The following ITPR2 variants were observed in gnomAD, a reference collection of about 807,000 sequenced individuals.
ITPR2 encodes the protein inositol 1,4,5-trisphosphate receptor type 2, also known as inositol 1,4,5-trisphosphate-gated calcium channel ITPR2.
ITPR2 carries 207 observed loss-of-function variants against 317.1 expected under a neutral mutation model. That is an observed-to-expected ratio of 0.65 (90% CI 0.58 to 0.73). The LOEUF is 0.73. Among genes scored for constraint, ITPR2 ranks in the 30% least tolerant of loss-of-function variants. The probability of loss-of-function intolerance (pLI) is 0.00; values close to 1 mark genes in which losing one functional copy is unlikely to be tolerated. For missense variants in ITPR2, 2,613 were observed against 3,284.0 expected, an observed-to-expected ratio of 0.80 and a Z score of 4.99; for synonymous variants, 1,156 against 1,149.1, an observed-to-expected ratio of 1.01 and a Z score of -0.12.
At chr12:26,489,665 C>G (rs1942754084) in intron 39 of ITPR2, among the ~76,000 whole-genome samples, 1 of 152,136 alleles carries the variant, frequency 6.6e-6, no homozygotes, top group Non-Finnish European at 1.5e-5. Context: ...TCATTAGGTT[C>G]CATTTGAAAT....
intron 37 of ITPR2, among the ~76,000 whole-genome samples, chr12:26,517,089 C>T: frequency 6.6e-6 from 1 of 151,830 alleles, no homozygotes; most frequent in East Asian, 1.9e-4. Flanking sequence ...TCAAAAGATC[C>T]CTTGCATCTA....
intron 49 of ITPR2, chr12:26,419,429 C>T (rs3816834): frequency 0.51 from 225,387 of 444,656 alleles, 61,741 homozygotes; most frequent in East Asian, 0.89. Flanking sequence ...TGCTTACAAA[C>T]TGGCACGTAA....
chr12:26,364,584 C>T (rs1011045564), intron 55 of ITPR2, among the ~76,000 whole-genome samples: 3 of 152,164 alleles, frequency 2.0e-5, no homozygotes, highest in African/African-American at 7.2e-5. Context: ...ATCTGTTTAT[C>T]TCGGTCTGGT....
chr12:26,694,059 G>C (rs916366196), intron 10 of ITPR2, among the ~76,000 whole-genome samples: 2 of 152,166 alleles, frequency 1.3e-5, no homozygotes, highest in Non-Finnish European at 2.9e-5. Context: ...AAGTCACACA[G>C]AATATTACAA....
At chr12:26,744,140 G>C (rs1949280154) in intron 2 of ITPR2, among the ~76,000 whole-genome samples, 1 of 152,180 alleles carries the variant, frequency 6.6e-6, no homozygotes, top group Admixed American at 6.5e-5. Flanking sequence ...AACAGCCTCT[G>C]CTCAAAACCC....
At chr12:26,683,237 C>T (rs1485392900) in intron 11 of ITPR2, among the ~76,000 whole-genome samples, 1 of 152,140 alleles carries the variant, frequency 6.6e-6, no homozygotes, top group Non-Finnish European at 1.5e-5. Flanking sequence ...CTTTTGTGGT[C>T]ATTCCAGAAC....
chr12:26,391,555 CCT>C (rs1218188894), intron 54 of ITPR2, among the ~76,000 whole-genome samples: 2,840 of 70,588 alleles, frequency 0.04, 783 homozygotes, highest in African/African-American at 0.15. Flanking sequence ...TTCTTCTTTT[CCT>C]TTTTTTTTTT....
chr12:26,380,749 T>C (rs1461417966), intron 55 of ITPR2, among the ~76,000 whole-genome samples: 1 of 152,198 alleles, frequency 6.6e-6, no homozygotes, highest in African/African-American at 2.4e-5. Flanking sequence ...ATAGAAATCT[T>C]AGAAGACTCG....
intron 26 of ITPR2, among the ~76,000 whole-genome samples, chr12:26,618,122 TG>T (rs966066597): frequency 4.6e-5 from 7 of 152,272 alleles, no homozygotes; most frequent in African/African-American, 1.7e-4. Flanking sequence ...TATAAAAGAA[TG>T]TACAGTAAAC....
At chr12:26,617,234 C>A (rs749785403) in intron 26 of ITPR2, among the ~76,000 whole-genome samples, 53 of 151,900 alleles carry the variant, frequency 3.5e-4, no homozygotes, top group Admixed American at 9.2e-4. Context: ...GCAAAACATA[C>A]AAAGAATGAA....
Position 26,463,053 on chromosome 12 carries a change from C to T in ITPR2, c.6342+12243G>A, listed in dbSNP as rs190932967. ...TATTATATGCAGATACATGCAAGTA[C>T]ACACATAAACCCATATATACAGAAT... On this transcript the variant is annotated intron_variant, in intron 45 of 56. Transcript: ENST00000381340. Among the ~76,000 whole-genome samples, 183 of 152,272 alleles carry T rather than the reference C, an allele frequency of 1.2e-3. 1 individual carries two copies. Among genetic ancestry groups the T allele is most frequent in the African/African-American group, 3.9e-3 (161 of 41,548 alleles).
At chr12:26,817,167 C>T (rs552781994) in intron 1 of ITPR2, among the ~76,000 whole-genome samples, 12 of 114,204 alleles carry the variant, frequency 1.1e-4, no homozygotes, top group African/African-American at 2.2e-4. Flanking sequence ...GGCGACAGAC[C>T]GAGAGTCTCT....
chr12:26,436,125 C>T, intron 48 of ITPR2, 96 bp downstream of exon 48: 1 of 1,191,168 alleles, frequency 8.4e-7, no homozygotes, highest in Non-Finnish European at 1.1e-6. Context: ...TAGAAAAATC[C>T]ATTTAACAGG....
In ITPR2 at chr12:26,450,683, C is replaced by T. The variant is rs576700057; in HGVS notation, c.6343-7033G>A. ...TTCCTAGTAGGGAGAAGCACATTTT[C>T]CCCACTTTAGTCAGCAGAACTGAGG... is the stretch of plus-strand genomic sequence containing the variant. On this transcript the variant is annotated intron_variant, in intron 45 of 56. Coordinates refer to ENST00000381340, the MANE Select transcript of ITPR2 (RefSeq NM_002223.4). 2.7e-4 allele frequency among the ~76,000 whole-genome samples: 41 copies of T among 152,244 alleles called. No individual in the cohort carries two copies. The South Asian group carries it at 5.6e-3, about 21-fold the overall frequency.
intron 26 of ITPR2, among the ~76,000 whole-genome samples, chr12:26,605,111 A>AT (rs1565635114): frequency 4.1e-5 from 4 of 97,268 alleles, no homozygotes; most frequent in South Asian, 2.8e-4. Context: ...ATAAAAATAA[A>AT]AAATAAAAAA....
intron 37 of ITPR2, among the ~76,000 whole-genome samples, chr12:26,501,729 T>TTTC (rs1249079941): frequency 1.3e-5 from 2 of 152,208 alleles, no homozygotes; most frequent in Non-Finnish European, 2.9e-5. Context: ...TACTTCCAAA[T>TTTC]TTCTTCTTTC....
At chr12:26,619,242 C>T (rs985098270) in intron 26 of ITPR2, among the ~76,000 whole-genome samples, 1 of 152,188 alleles carries the variant, frequency 6.6e-6, no homozygotes, top group Non-Finnish European at 1.5e-5. Flanking sequence ...AATTCCATAT[C>T]CACCATAGTA....
intron 37 of ITPR2, among the ~76,000 whole-genome samples, chr12:26,537,070 C>T (rs1195441967): frequency 1.3e-5 from 2 of 151,686 alleles, no homozygotes; most frequent in African/African-American, 4.9e-5. Flanking sequence ...GCTGGAGGGA[C>T]CGCTTAGAGA....
intron 34 of ITPR2, among the ~76,000 whole-genome samples, chr12:26,565,507 T>C (rs1042041383): frequency 6.9e-6 from 1 of 145,876 alleles, no homozygotes; most frequent in South Asian, 2.3e-4. Context: ...GATAGATAGA[T>C]AGATAGATAG....
Sources: gnomAD v4.1 joint callset for allele counts (sites outside exome capture counted in the v4.1 genomes callset) on GRCh38, gnomAD v4.1.1 for gene constraint, MANE v1.5 for transcripts, NCBI Gene and HGNC (gene_info 2026-07-23, HGNC 2026-07-21) for gene names.